ADGB: variants seen among roughly 807,000 people sequenced by gnomAD.
ADGB encodes the protein androglobin.
Under a neutral mutation model 210.5 loss-of-function variants are expected in ADGB, and 172 were observed. The observed-to-expected ratio is 0.82, with a 90% CI of 0.72 to 0.93. The LOEUF (loss-of-function observed/expected upper bound fraction) is 0.93, where lower values mean the gene tolerates loss of function less well. Ranked by LOEUF, ADGB falls within the 40% of genes least tolerant of loss-of-function variation. ADGB has a pLI of 0.00. For synonymous variants in ADGB, 658 were observed against 662.7 expected, an observed-to-expected ratio of 0.99 and a Z score of 0.11; for missense variants, 2,025 against 1,964.8, an observed-to-expected ratio of 1.03 and a Z score of -0.58.
chr6:146,717,443 C>G (rs1583603657), intron 15 of ADGB, 93 bp from the exon 16 acceptor site: 1 of 703,278 alleles, frequency 1.4e-6, no homozygotes, highest in East Asian at 3.3e-5. Context: ...TTTTAACTTT[C>G]TTCCTACAAT....
chr6:146,785,268 T>C (rs1777857801), intron 31 of ADGB, among the ~76,000 whole-genome samples: 1 of 152,114 alleles, frequency 6.6e-6, no homozygotes, highest in East Asian at 1.9e-4. Context: ...GCGATTGCCA[T>C]AGTGACACTA....
intron 33 of ADGB, among the ~76,000 whole-genome samples, chr6:146,792,620 T>C (rs1490224287): frequency 1.3e-5 from 2 of 152,110 alleles, no homozygotes; most frequent in Non-Finnish European, 2.9e-5. Flanking sequence ...TCAGCTCATC[T>C]GCTCCTAATT....
At chr6:146,676,468 A>T (rs1283927080) in intron 9 of ADGB, 27 bp downstream of exon 9, 1 of 1,327,476 alleles carries the variant, frequency 7.5e-7, no homozygotes, top group Non-Finnish European at 9.8e-7. Flanking sequence ...TTAGAATAAT[A>T]ACTATTTTAG....
At chr6:146,803,968 G>A (rs2114668248) in intron 35 of ADGB, 1 of 218,134 alleles carries the variant, frequency 4.6e-6, no homozygotes, top group East Asian at 1.1e-4. Flanking sequence ...GGAAGTAAAA[G>A]TGAAGTAGGA....
At chr6:146,752,817 T>C in intron 27 of ADGB, 103 bp downstream of exon 27, 1 of 1,109,972 alleles carries the variant, frequency 9.0e-7, no homozygotes, top group Non-Finnish European at 1.2e-6. Flanking sequence ...ACCACTTAAA[T>C]TATGAAACTT....
At chr6:146,772,744 T>G in intron 29 of ADGB, among the ~76,000 whole-genome samples, 1 of 151,422 alleles carries the variant, frequency 6.6e-6, no homozygotes, top group East Asian at 1.9e-4. Context: ...GTTTCAGTAC[T>G]TATATGTTGA....
intron 18 of ADGB, 94 bp from the exon 19 acceptor site, chr6:146,725,989 T>C: frequency 1.5e-6 from 1 of 689,242 alleles, no homozygotes; most frequent in Non-Finnish European, 2.5e-6. Context: ...ACCTTTTACT[T>C]CATTTGAGTT....
At chr6:146,710,002 C>T (rs1324292796) in intron 13 of ADGB, among the ~76,000 whole-genome samples, 1 of 152,038 alleles carries the variant, frequency 6.6e-6, no homozygotes, top group African/African-American at 2.4e-5. Flanking sequence ...CTGCTAAGAG[C>T]TCCTGAATAT....
At chr6:146,655,524 T>A (rs1775767486) in intron 4 of ADGB, among the ~76,000 whole-genome samples, 1 of 152,188 alleles carries the variant, frequency 6.6e-6, no homozygotes, top group Admixed American at 6.6e-5. Context: ...TTTTAAAAAT[T>A]ATTTTCTGCT....
At chr6:146,638,800 A>G (rs1775466269) in intron 2 of ADGB, 1 of 151,620 alleles carries the variant, frequency 6.6e-6, no homozygotes, top group African/African-American at 2.4e-5. Flanking sequence ...GAACTTGTCT[A>G]TAATCTTAAT....
intron 12 of ADGB, among the ~76,000 whole-genome samples, chr6:146,698,634 G>GC (rs1232853985): frequency 3.9e-5 from 6 of 152,316 alleles, no homozygotes; most frequent in Non-Finnish European, 7.4e-5. Context: ...GCAATGTCAA[G>GC]CCATGCGGGA....
At position 146,616,534 on chromosome 6, in the gene ADGB, G is replaced by T. The variant is rs78512902; in HGVS notation, c.74+17420G>T. The stretch of plus-strand genomic sequence containing the variant: ...CAATGACCTTAAGCATTTTCCCAGT[G>T]TTTTTTCTAGTAGTTTTGTAGTTTC... On this transcript the variant is annotated intron_variant, in intron 1 of 35. Coordinates refer to ENST00000397944, the MANE Select transcript of ADGB (RefSeq NM_024694.4). Among the ~76,000 whole-genome samples, 21 of 151,966 alleles carry T rather than the reference G, an allele frequency of 1.4e-4. No homozygotes were observed. In the East Asian group the frequency reaches 3.9e-3, roughly 28 times the overall value.
intron 11 of ADGB, 145 bp downstream of exon 11, chr6:146,691,435 TATATATAAAA>T (rs1776312011): frequency 1.3e-4 from 4 of 30,260 alleles, no homozygotes; most frequent in African/African-American, 1.0e-3. Flanking sequence ...TATATATATA[TATATATAAAA>T]ATATATATAT....
At chr6:146,786,463 A>G (rs1777875919) in intron 32 of ADGB, among the ~76,000 whole-genome samples, 1 of 152,146 alleles carries the variant, frequency 6.6e-6, no homozygotes, top group Non-Finnish European at 1.5e-5. Context: ...AATAATTGTT[A>G]TAAAAATAAT....
chr6:146,614,963 C>T (rs770629505), intron 1 of ADGB, among the ~76,000 whole-genome samples: 2 of 152,156 alleles, frequency 1.3e-5, no homozygotes, highest in African/African-American at 2.4e-5. Flanking sequence ...TGCAGTGGCA[C>T]GATCTCGGCT....
chr6:146,730,382 C>T (rs1381255396), intron 20 of ADGB, among the ~76,000 whole-genome samples: 1 of 152,052 alleles, frequency 6.6e-6, no homozygotes. Flanking sequence ...AAAAATCTTA[C>T]CCCAAGCAGA....
rs114644024 is a variant in ADGB, at chr6:146,631,162, A to G, written c.75-4213A>G. ...TAAAGATACGAAAGAGGAAATCCAA[A>G]TCCTAACAGTATAATTGCACTCTTT... On this transcript the variant is annotated intron_variant, in intron 1 of 35. Transcript: ENST00000397944. Among the ~76,000 whole-genome samples, 1,383 of 152,318 alleles carry G rather than the reference A, an allele frequency of 9.1e-3. 14 individuals carry two copies. Among genetic ancestry groups the G allele is most frequent in the African/African-American group, 0.031 (1,294 of 41,570 alleles).
intron 27 of ADGB, among the ~76,000 whole-genome samples, chr6:146,761,333 C>A (rs1022190052): frequency 6.6e-6 from 1 of 151,828 alleles, no homozygotes; most frequent in Admixed American, 6.6e-5. Context: ...TCTGGCACTG[C>A]GTATTGGAAA....
chr6:146,614,068 C>T (rs1268391530), intron 1 of ADGB, among the ~76,000 whole-genome samples: 3 of 151,812 alleles, frequency 2.0e-5, no homozygotes, highest in Non-Finnish European at 4.4e-5. Flanking sequence ...AATAGAGTGT[C>T]GATTTAAATT....
Sources: gnomAD v4.1 joint callset for allele counts (sites outside exome capture counted in the v4.1 genomes callset) on GRCh38, gnomAD v4.1.1 for gene constraint, MANE v1.5 for transcripts, NCBI Gene and HGNC (gene_info 2026-07-23, HGNC 2026-07-21) for gene names.